ZFHX3: variants seen among roughly 807,000 people sequenced by gnomAD.
The protein encoded by ZFHX3 is zinc finger homeobox 3.
Under a neutral mutation model 279.1 loss-of-function variants are expected in ZFHX3, and 42 were observed. That is an observed-to-expected ratio of 0.15 (90% CI 0.12 to 0.19). The LOEUF is 0.19. Among genes scored for constraint, ZFHX3 ranks in the 10% least tolerant of loss-of-function variants. The pLI, the probability that ZFHX3 is intolerant of heterozygous loss-of-function variation, is 1.00. For missense variants in ZFHX3, 4,981 were observed against 4,754.0 expected (o/e 1.05, Z -1.40); for synonymous variants, 2,293 against 1,957.8 (o/e 1.17, Z -4.52).
chr16:73,854,431 A>T (rs983554496), intron 1 of ZFHX3, among the ~76,000 whole-genome samples: 1 of 152,020 alleles, frequency 6.6e-6, no homozygotes, highest in African/African-American at 2.4e-5. Flanking sequence ...GGAGGCTGAG[A>T]CAGGAGAATT....
intron 4 of ZFHX3, among the ~76,000 whole-genome samples, chr16:73,303,368 G>C (rs749006098): frequency 1.1e-4 from 16 of 152,150 alleles, no homozygotes; most frequent in African/African-American, 3.9e-4. Context: ...ACTTTGATGA[G>C]AATATAATGA....
chr16:73,275,216 T>C (rs897445846), intron 4 of ZFHX3, among the ~76,000 whole-genome samples: 2 of 152,232 alleles, frequency 1.3e-5, no homozygotes, highest in Admixed American at 6.5e-5. Flanking sequence ...GGGAAATCTA[T>C]GACGCTTTTG....
chr16:73,140,860 C>A (rs528162442), intron 6 of ZFHX3, among the ~76,000 whole-genome samples: 1 of 152,164 alleles, frequency 6.6e-6, no homozygotes, highest in African/African-American at 2.4e-5. Context: ...CCAAAAACAA[C>A]AAACAAACAA....
intron 7 of ZFHX3, among the ~76,000 whole-genome samples, chr16:73,104,298 T>G (rs921809857): frequency 2.6e-5 from 4 of 152,158 alleles, no homozygotes; most frequent in Admixed American, 2.6e-4. Context: ...TAGCGCGATC[T>G]TAGTTCGATG....
intron 3 of ZFHX3, among the ~76,000 whole-genome samples, chr16:72,924,711 T>C (rs1959348767): frequency 6.6e-6 from 1 of 152,236 alleles, no homozygotes; most frequent in African/African-American, 2.4e-5. Flanking sequence ...AATTCTGCTG[T>C]CAGTGTGTTA....
chr16:73,509,906 G>A (rs1597363879), intron 2 of ZFHX3, among the ~76,000 whole-genome samples: 1 of 152,152 alleles, frequency 6.6e-6, no homozygotes, highest in East Asian at 1.9e-4. Context: ...ATGTTGGCCA[G>A]GCTGGTCTTG....
At chr16:72,803,331 C>G (rs2036167793) in intron 7 of ZFHX3, among the ~76,000 whole-genome samples, 1 of 151,944 alleles carries the variant, frequency 6.6e-6, no homozygotes. Flanking sequence ...GACTCTGTCT[C>G]CAATCAATCA....
At chr16:73,758,647 C>G (rs528846117) in intron 1 of ZFHX3, among the ~76,000 whole-genome samples, 1 of 152,206 alleles carries the variant, frequency 6.6e-6, no homozygotes, top group African/African-American at 2.4e-5. Context: ...TCTGAATACA[C>G]AGGCGGATCT....
At chr16:73,188,531 C>T (rs905270793) in intron 5 of ZFHX3, among the ~76,000 whole-genome samples, 2 of 152,216 alleles carry the variant, frequency 1.3e-5, no homozygotes, top group Non-Finnish European at 1.5e-5. Context: ...TGCTTCCTCT[C>T]TAGTGGGGAA....
intron 2 of ZFHX3, among the ~76,000 whole-genome samples, chr16:73,581,022 G>T (rs988238764): frequency 6.6e-6 from 1 of 151,516 alleles, no homozygotes; most frequent in East Asian, 1.9e-4. Flanking sequence ...TGGACACAAG[G>T]TGTGTTCATT....
intron 2 of ZFHX3, among the ~76,000 whole-genome samples, chr16:73,546,953 G>C (rs1443919994): frequency 6.6e-6 from 1 of 151,682 alleles, no homozygotes; most frequent in Non-Finnish European, 1.5e-5. Context: ...CCCTACCCCT[G>C]TCCCCATTGT....
At chr16:73,668,900 C>G (rs1369851755) in intron 2 of ZFHX3, among the ~76,000 whole-genome samples, 1 of 152,072 alleles carries the variant, frequency 6.6e-6, no homozygotes, top group Non-Finnish European at 1.5e-5. Flanking sequence ...AGTCAGGAAA[C>G]AACAGATGCT....
At chr16:73,410,425 C>T (rs2017442930) in intron 3 of ZFHX3, among the ~76,000 whole-genome samples, 1 of 152,088 alleles carries the variant, frequency 6.6e-6, no homozygotes, top group African/African-American at 2.4e-5. Flanking sequence ...CAAAACAAAA[C>T]AAATCAAAAC....
chr16:73,216,107 G>A (rs976992434), intron 5 of ZFHX3, among the ~76,000 whole-genome samples: 4 of 152,266 alleles, frequency 2.6e-5, no homozygotes, highest in South Asian at 2.1e-4. Flanking sequence ...ACCAAAGCAG[G>A]CCTATAGATA....
chr16:73,265,943 G>T (rs1204253997), intron 4 of ZFHX3, among the ~76,000 whole-genome samples: 1 of 152,180 alleles, frequency 6.6e-6, no homozygotes, highest in African/African-American at 2.4e-5. Context: ...CCATCTGATC[G>T]ATTTCATCTT....
At chr16:73,361,237 A>T (rs2016429615) in intron 3 of ZFHX3, among the ~76,000 whole-genome samples, 1 of 152,170 alleles carries the variant, frequency 6.6e-6, no homozygotes, top group African/African-American at 2.4e-5. Context: ...CTCCCATACC[A>T]ACTCTGACCT....
At chr16:73,073,795 G>A (rs1346967162) in intron 8 of ZFHX3, among the ~76,000 whole-genome samples, 1 of 152,182 alleles carries the variant, frequency 6.6e-6, no homozygotes, top group East Asian at 1.9e-4. Flanking sequence ...CACCAAGCCC[G>A]GCCTGGACTT....
intron 5 of ZFHX3, among the ~76,000 whole-genome samples, chr16:73,183,201 T>C (rs946561114): frequency 1.3e-5 from 2 of 152,160 alleles, no homozygotes; most frequent in Non-Finnish European, 2.9e-5. Context: ...TAAGACTCCG[T>C]CTAAAACAAA....
intron 1 of ZFHX3, among the ~76,000 whole-genome samples, chr16:73,765,065 T>G (rs921874263): frequency 5.9e-5 from 9 of 152,228 alleles, no homozygotes; most frequent in Admixed American, 2.0e-4. Flanking sequence ...TTCCCCGAAA[T>G]GTCTGCCTTT....
Sources: gnomAD v4.1 joint callset for allele counts (sites outside exome capture counted in the v4.1 genomes callset) on GRCh38, gnomAD v4.1.1 for gene constraint, MANE v1.5 for transcripts, NCBI Gene and HGNC (gene_info 2026-07-23, HGNC 2026-07-21) for gene names.